The following AR variants were observed in gnomAD, a reference collection of about 807,000 sequenced individuals.
The protein encoded by AR is androgen receptor, also known as dihydrotestosterone receptor.
Under a neutral mutation model 53.9 loss-of-function variants are expected in AR, and 8 were observed. That is an observed-to-expected ratio of 0.15 (90% CI 0.09 to 0.27). The LOEUF (loss-of-function observed/expected upper bound fraction) is 0.27, where lower values mean the gene tolerates loss of function less well. AR is among the 10% of genes least tolerant of loss of function. The probability of loss-of-function intolerance (pLI) is 1.00; values close to 1 mark genes in which losing one functional copy is unlikely to be tolerated. For missense variants in AR, 639 were observed against 742.5 expected (o/e 0.86, Z 1.62); for synonymous variants, 359 against 316.4 (o/e 1.13, Z -1.43).
intron 2 of AR, among the ~76,000 whole-genome samples, chrX:67,685,249 G>A (rs2075959377): frequency 8.9e-6 from 1 of 111,906 alleles, no homozygotes. Context: ...TAGCGTAAAG[G>A]AGCAAAGTAT....
intron 3 of AR, among the ~76,000 whole-genome samples, chrX:67,698,096 G>A (rs1386505494): frequency 8.9e-6 from 1 of 111,949 alleles, no homozygotes; most frequent in African/African-American, 3.3e-5. Flanking sequence ...GATAGAGCCG[G>A]AGTTACAAAT....
chrX:67,670,217 T>A (rs2075855398), intron 2 of AR, among the ~76,000 whole-genome samples: 1 of 87,633 alleles, frequency 1.1e-5, no homozygotes, highest in Admixed American at 1.4e-4. Flanking sequence ...CAACTACATA[T>A]TGGGTAATGT....
chrX:67,723,915 A>C lies in AR; in HGVS notation c.*74A>C, dbSNP rs2147541262. On this transcript the variant is annotated 3_prime_UTR_variant, in exon 8 of 8. Coordinates refer to ENST00000374690, the MANE Select transcript of AR (RefSeq NM_000044.6). ...TGTCTTCTGCCTGTTATAACTCTGC[A>C]CTACTCCTCTGCAGTGCCTTGGGGA... The C allele has an allele frequency of 8.7e-7, 1 of 1,142,989 alleles. No individual in the cohort carries two copies. The highest frequency in any genetic ancestry group is 1.2e-6 in the Non-Finnish European group (1 of 841,384). The allele number at this position is 1,142,989 out of a possible 1,213,427, so 94.2% of individuals were successfully genotyped here.
At chrX:67,678,648 A>T (rs956437562) in intron 2 of AR, among the ~76,000 whole-genome samples, 1 of 111,601 alleles carries the variant, frequency 9.0e-6, no homozygotes, top group Admixed American at 9.6e-5. Flanking sequence ...TAAGCATAGT[A>T]TCTAATCAAT....
chrX:67,641,842 G>A (rs1433175375), intron 1 of AR, among the ~76,000 whole-genome samples: 1 of 98,949 alleles, frequency 1.0e-5, no homozygotes, highest in Non-Finnish European at 2.0e-5. Context: ...TGGGGTTGAG[G>A]GGAGGATAAC....
At chrX:67,574,187 T>C (rs1187145607) in intron 1 of AR, among the ~76,000 whole-genome samples, 1 of 111,811 alleles carries the variant, frequency 8.9e-6, no homozygotes, top group Non-Finnish European at 1.9e-5. Context: ...ACACCACCCA[T>C]AGAGGGTAGT....
chrX:67,717,748 C>T, intron 5 of AR, 126 bp downstream of exon 5: 2 of 985,367 alleles, frequency 2.0e-6, no homozygotes, highest in Non-Finnish European at 2.8e-6. Context: ...CAGCGGATGC[C>T]CCAGCCAGCC....
At chrX:67,668,163 C>CA (rs1002957960) in intron 2 of AR, among the ~76,000 whole-genome samples, 3 of 111,790 alleles carry the variant, frequency 2.7e-5, no homozygotes, top group African/African-American at 9.7e-5. Context: ...CCAAGGCCTT[C>CA]AGTTTTTCTG....
At chrX:67,705,187 T>A (rs1270026701) in intron 3 of AR, among the ~76,000 whole-genome samples, 1 of 111,692 alleles carries the variant, frequency 9.0e-6, no homozygotes, top group Non-Finnish European at 1.9e-5. Flanking sequence ...GTGGAGAAAG[T>A]CATTGATAGC....
intron 3 of AR, among the ~76,000 whole-genome samples, chrX:67,709,759 T>C (rs965459071): frequency 8.9e-6 from 1 of 112,186 alleles, no homozygotes; most frequent in Admixed American, 9.4e-5. Flanking sequence ...ACTGGAGCTG[T>C]TCCTATTCGG....
intron 1 of AR, among the ~76,000 whole-genome samples, chrX:67,612,625 G>A (rs73227875): frequency 1.8e-5 from 2 of 112,158 alleles, no homozygotes; most frequent in Non-Finnish European, 3.8e-5. Context: ...ATGACTTCTG[G>A]AATGGCAGAT....
At chrX:67,549,213 C>T (rs1331532333) in intron 1 of AR, among the ~76,000 whole-genome samples, 1 of 111,539 alleles carries the variant, frequency 9.0e-6, no homozygotes, top group African/African-American at 3.3e-5. Flanking sequence ...TTTCTTAAGC[C>T]AAAGCAAGAG....
intron 4 of AR, 134 bp from the exon 5 acceptor site, chrX:67,717,344 G>A (rs1263089995): frequency 1.1e-6 from 1 of 879,382 alleles, no homozygotes; most frequent in African/African-American, 2.0e-5. Flanking sequence ...ACCCCTTAAT[G>A]GCCAGCCTGG....
rs2076141638 is a variant in AR at position 67,722,819 on chromosome X, C to T, written c.2450-8C>T. 8.3e-7 allele frequency: 1 copy of T among 1,210,989 alleles called. No homozygotes were observed. The highest frequency in any genetic ancestry group is 1.1e-6 in the Non-Finnish European group (1 of 895,065). Reference sequence around the variant, plus strand: ...TCCCCTCCCCATTCTGTCTTCATCCCACATCAGTTCCAGTGGATGGGCTGA... The same window carrying T: ...TCCCCTCCCCATTCTGTCTTCATCCTACATCAGTTCCAGTGGATGGGCTGA... On this transcript the variant is annotated splice_polypyrimidine_tract_variant and splice_region_variant and intron_variant, in intron 6 of 7. Coordinates refer to ENST00000374690, the MANE Select transcript of AR (RefSeq NM_000044.6).
At position 67,560,481 on chromosome X, in the gene AR, A is replaced by T. The variant is rs183443522; in HGVS notation, c.1616+13719A>T. Among the ~76,000 whole-genome samples the T allele has an allele frequency of 4.5e-3, 501 of 111,744 alleles. 2 individuals are homozygous for T. The highest frequency in any genetic ancestry group is 0.015 in the African/African-American group (476 of 30,797). On this transcript the variant is annotated intron_variant, in intron 1 of 7. Coordinates refer to ENST00000374690, the MANE Select transcript of AR (RefSeq NM_000044.6). ...AGTCTTTAAGCTCCTTAAGGGTGGGAGTCCTGTCTTATTTTTTCCCTATTC... is the reference window on the plus strand; with the variant it reads ...AGTCTTTAAGCTCCTTAAGGGTGGGTGTCCTGTCTTATTTTTTCCCTATTC...
rs754318987 is a variant in AR, at chrX:67,685,971, CATT to C, written c.1769-36_1769-34del. ...CCCGAAGAAAGAGACTCTGGAAACT[CATT>C]ATCAGGTCTATCAACTCTTGTATTT... is the stretch of plus-strand genomic sequence containing the variant. On this transcript the variant is annotated intron_variant, in intron 2 of 7. Transcript: ENST00000374690. The C allele has an allele frequency of 3.1e-5, 37 of 1,207,511 alleles. No homozygotes were observed. The Admixed American group carries it at 7.9e-4, about 26-fold the overall frequency.
chrX:67,659,812 C>G lies in AR; in HGVS notation c.1768+16405C>G, dbSNP rs554043188. Among the ~76,000 whole-genome samples, 488 of 111,686 alleles carry G rather than the reference C, an allele frequency of 4.4e-3. 1 individual carries two copies. The highest frequency in any genetic ancestry group is 0.023 in the Middle Eastern group (5 of 219). On this transcript the variant is annotated intron_variant, in intron 2 of 7. Coordinates refer to ENST00000374690, the MANE Select transcript of AR (RefSeq NM_000044.6). ...CGCCACACTGACTTCCACAATGGTT[C>G]AACTAGTTTACAGTCCCACCAACAG... is the stretch of plus-strand genomic sequence containing the variant.
chrX:67,691,977 A>C (rs1157468595), intron 3 of AR, among the ~76,000 whole-genome samples: 1 of 112,182 alleles, frequency 8.9e-6, no homozygotes, highest in Admixed American at 9.5e-5. Context: ...TTCCAGCATC[A>C]TGCAGAATGA....
At chrX:67,660,453 C>T (rs1344795924) in intron 2 of AR, among the ~76,000 whole-genome samples, 6 of 111,679 alleles carry the variant, frequency 5.4e-5, no homozygotes, top group African/African-American at 2.0e-4. Flanking sequence ...TTTCCCAACA[C>T]CATTTATTAA....
Sources: allele counts gnomAD v4.1 joint callset (sites outside exome capture counted in the v4.1 genomes callset), GRCh38; gene constraint gnomAD v4.1.1; transcripts MANE v1.5; gene names NCBI Gene and HGNC (gene_info 2026-07-23, HGNC 2026-07-21).